The following PELI2 variants were observed in gnomAD, a reference collection of about 807,000 sequenced individuals.
PELI2 encodes the protein pellino E3 ubiquitin protein ligase family member 2.
Under a neutral mutation model 42.3 loss-of-function variants are expected in PELI2, and 23 were observed. The ratio of observed to expected loss-of-function variants is 0.54; its 90% CI spans 0.39 to 0.77. The LOEUF is 0.77. Among genes scored for constraint, PELI2 ranks in the 30% least tolerant of loss-of-function variants. The pLI is 0.00. For missense variants in PELI2, 463 were observed against 553.2 expected (o/e 0.84, Z 1.64); for synonymous variants, 245 against 212.2 (o/e 1.15, Z -1.34).
intron 1 of PELI2, among the ~76,000 whole-genome samples, chr14:56,146,391 A>G (rs1347464221): frequency 6.6e-6 from 1 of 152,236 alleles, no homozygotes; most frequent in Non-Finnish European, 1.5e-5. Context: ...ACCCCTAAGA[A>G]TAGGTCCATG....
At chr14:56,206,248 T>TTG (rs1320834552) in intron 2 of PELI2, among the ~76,000 whole-genome samples, 1 of 152,216 alleles carries the variant, frequency 6.6e-6, no homozygotes, top group Non-Finnish European at 1.5e-5. Context: ...GTGTTGTGAC[T>TTG]TGTTAGTAGA....
chr14:56,146,029 A>G (rs935408480), intron 1 of PELI2, among the ~76,000 whole-genome samples: 5 of 152,246 alleles, frequency 3.3e-5, no homozygotes, highest in African/African-American at 1.2e-4. Context: ...TTAATGTGAC[A>G]GATGACATTG....
chr14:56,197,503 G>T lies in PELI2; in HGVS notation c.207+19039G>T, dbSNP rs1013895689. Among the ~76,000 whole-genome samples, 4 of 152,216 alleles carry T rather than the reference G, an allele frequency of 2.6e-5. No homozygotes were observed. The highest frequency in any genetic ancestry group is 9.6e-5 in the African/African-American group (4 of 41,518). On this transcript the variant is annotated intron_variant, in intron 2 of 5. Transcript: ENST00000267460. The surrounding 1 kb of genome is among the most constrained non-coding windows in gnomAD (Gnocchi z 4.9). The stretch of plus-strand genomic sequence containing the variant: ...GTTTGGGGAGACATTTATGCATGAA[G>T]CGGGTGTTCTGGCTTTGATATGGAA...
At chr14:56,212,097 A>G (rs1018036600) in intron 2 of PELI2, among the ~76,000 whole-genome samples, 1 of 152,242 alleles carries the variant, frequency 6.6e-6, no homozygotes, top group Non-Finnish European at 1.5e-5. Context: ...AGATGTCACC[A>G]AAGAAGAGCA....
At chr14:56,175,211 G>A (rs1057391354) in intron 1 of PELI2, among the ~76,000 whole-genome samples, 2 of 152,064 alleles carry the variant, frequency 1.3e-5, no homozygotes, top group Admixed American at 6.5e-5. Flanking sequence ...GCCCAGGCTG[G>A]TCTCGAACTC....
chr14:56,132,083 G>C (rs1023583528), intron 1 of PELI2, among the ~76,000 whole-genome samples: 13 of 152,230 alleles, frequency 8.5e-5, no homozygotes, highest in Middle Eastern at 3.4e-3. Context: ...GGCTTATAAA[G>C]GGGCCCAGGC....
chr14:56,244,340 C>T (rs1888079077), intron 2 of PELI2, among the ~76,000 whole-genome samples: 1 of 152,182 alleles, frequency 6.6e-6, no homozygotes, highest in Non-Finnish European at 1.5e-5. Flanking sequence ...ATGTGGAAAG[C>T]AGTCATGCAT....
At chr14:56,150,093 G>A (rs956096419) in intron 1 of PELI2, among the ~76,000 whole-genome samples, 5 of 152,132 alleles carry the variant, frequency 3.3e-5, no homozygotes, top group Admixed American at 6.5e-5. Context: ...CCTCTCAGGC[G>A]CTTGAGATAT....
chr14:56,295,949 C>T (rs1001578774), intron 5 of PELI2, among the ~76,000 whole-genome samples: 6 of 152,252 alleles, frequency 3.9e-5, no homozygotes, highest in African/African-American at 9.6e-5. Context: ...GTGGAGGCAG[C>T]GGTCACGTTC....
At chr14:56,216,600 T>C (rs1886913451) in intron 2 of PELI2, among the ~76,000 whole-genome samples, 1 of 152,276 alleles carries the variant, frequency 6.6e-6, no homozygotes, top group Admixed American at 6.5e-5. Context: ...CGAGTTTTCA[T>C]ACATTTGATG....
chr14:56,122,001 A>G (rs1323908236), intron 1 of PELI2, among the ~76,000 whole-genome samples: 1 of 152,254 alleles, frequency 6.6e-6, no homozygotes, highest in Admixed American at 6.5e-5. Flanking sequence ...TAGGTTACCC[A>G]TGGGAGCATT....
chr14:56,271,071 T>G (rs1481926831), intron 2 of PELI2, among the ~76,000 whole-genome samples: 1 of 152,218 alleles, frequency 6.6e-6, no homozygotes, highest in African/African-American at 2.4e-5. Context: ...CAATTTTAGA[T>G]GCAGTTAGTA....
At chr14:56,275,481 A>G (rs1366048276) in intron 2 of PELI2, among the ~76,000 whole-genome samples, 1 of 152,160 alleles carries the variant, frequency 6.6e-6, no homozygotes, top group African/African-American at 2.4e-5. Flanking sequence ...TTTTCCAGCA[A>G]CCAGACAGTC....
At chr14:56,253,096 A>G (rs1307867063) in intron 2 of PELI2, among the ~76,000 whole-genome samples, 1 of 152,222 alleles carries the variant, frequency 6.6e-6, no homozygotes. Context: ...ACCAATGACA[A>G]AAACCACATG....
chr14:56,125,827 A>G (rs1358782877), intron 1 of PELI2, among the ~76,000 whole-genome samples: 1 of 151,998 alleles, frequency 6.6e-6, no homozygotes, highest in Non-Finnish European at 1.5e-5. Context: ...CCTCCTTGGA[A>G]TGCTGGGCTT....
intron 3 of PELI2, among the ~76,000 whole-genome samples, chr14:56,281,103 C>A (rs929966787): frequency 6.6e-6 from 1 of 152,118 alleles, no homozygotes; most frequent in Non-Finnish European, 1.5e-5. Flanking sequence ...TATAGGGCAA[C>A]ATTGCAGTAC....
intron 1 of PELI2, among the ~76,000 whole-genome samples, chr14:56,164,832 C>T (rs1164373546): frequency 1.3e-5 from 2 of 151,976 alleles, no homozygotes; most frequent in Non-Finnish European, 2.9e-5. Context: ...TATAGTTGCT[C>T]ATGATAGCCA....
chr14:56,261,758 T>C (rs1888722582), intron 2 of PELI2, among the ~76,000 whole-genome samples: 2 of 152,220 alleles, frequency 1.3e-5, no homozygotes, highest in African/African-American at 4.8e-5. Flanking sequence ...GAAAAAGCAC[T>C]AACTACGCAG....
Position 56,299,451 on chromosome 14 carries a change from C to G in PELI2, c.*2285C>G, listed in dbSNP as rs1199901699. On this transcript the variant is annotated 3_prime_UTR_variant, in exon 6 of 6. Coordinates refer to ENST00000267460, the MANE Select transcript of PELI2 (RefSeq NM_021255.3). The stretch of plus-strand genomic sequence containing the variant: ...GCTCTTGGAAGGGGTAACAGTGAAC[C>G]GCCCTCCATGGGCTCCACATCTTTT... The G allele has an allele frequency of 3.9e-5, 6 of 152,090 alleles. No homozygotes were observed. Among genetic ancestry groups the G allele is most frequent in the South Asian group, 2.1e-4 (1 of 4,822 alleles). The allele number at this position is 152,090 out of a possible 1,614,324, so 9.4% of individuals were successfully genotyped here.
Sources: gnomAD v4.1 joint callset for allele counts (sites outside exome capture counted in the v4.1 genomes callset) on GRCh38, gnomAD v4.1.1 for gene constraint, Gnocchi (gnomAD v3.1) non-coding constraint, MANE v1.5 for transcripts, NCBI Gene and HGNC (gene_info 2026-07-23, HGNC 2026-07-21) for gene names.